Variants in CRHR2 observed in about 807,000 individuals in gnomAD.
CRHR2 encodes corticotropin releasing hormone receptor 2.
A neutral mutation model predicts 57.9 loss-of-function variants in CRHR2; 53 were observed. The observed-to-expected ratio is 0.92, with a 90% CI of 0.73 to 1.15. CRHR2 has a LOEUF of 1.15. Ranked by LOEUF, CRHR2 falls within the 50% of genes most tolerant of loss-of-function variation. The pLI is 0.00. For synonymous variants in CRHR2, 213 were observed against 220.9 expected, an observed-to-expected ratio of 0.96 and a Z score of 0.32; for missense variants, 532 against 542.6, an observed-to-expected ratio of 0.98 and a Z score of 0.19.
At chr7:30,666,938 T>C (rs971934306) in intron 3 of CRHR2, among the ~76,000 whole-genome samples, 1 of 152,112 alleles carries the variant, frequency 6.6e-6, no homozygotes, top group Non-Finnish European at 1.5e-5. Flanking sequence ...ACCCCTAAGA[T>C]GTTAGGAGCA....
Position 30,681,947 on chromosome 7 carries a change from T to G in CRHR2, c.197A>C (p.Glu66Ala), listed in dbSNP as rs775502744. 2.9e-4 allele frequency: 466 copies of G among 1,612,066 alleles called. 1 individual carries two copies. The highest frequency in any genetic ancestry group is 3.9e-4 in the Non-Finnish European group (455 of 1,179,504). ...AGALVERPCP[E>A]YFNGVKYNTT... is the part of the protein sequence containing the mutation. ...GTTGTACTTGACGCCGTTGAAGTACTCGGGGCACGGCCTCTCCACGAGGGC... is the reference window on the plus strand; with the variant it reads ...GTTGTACTTGACGCCGTTGAAGTACGCGGGGCACGGCCTCTCCACGAGGGC... The change falls in exon 2 of 12, where the codon GAG (glutamate) becomes GCG (alanine). Residue 66 changes from glutamate to alanine, a missense_variant. Coordinates refer to ENST00000471646, the MANE Select transcript of CRHR2 (RefSeq NM_001883.5).
chr7:30,681,677 C>A (rs974292139), intron 2 of CRHR2, among the ~76,000 whole-genome samples: 3 of 152,146 alleles, frequency 2.0e-5, no homozygotes, highest in Admixed American at 6.5e-5. Flanking sequence ...TTTGGGCTGT[C>A]ACCGCATGGA....
intron 2 of CRHR2, among the ~76,000 whole-genome samples, chr7:30,680,836 G>GTGTGTGTGTGTGT (rs1481453488): frequency 1.3e-5 from 2 of 151,816 alleles, no homozygotes; most frequent in Non-Finnish European, 2.9e-5. Context: ...GTGTGTGTGT[G>GTGTGTGTGTGTGT]TGTGTGTGTG....
chr7:30,661,030 G>A (rs1322790477), intron 7 of CRHR2, among the ~76,000 whole-genome samples: 1 of 152,230 alleles, frequency 6.6e-6, no homozygotes, highest in Non-Finnish European at 1.5e-5. Flanking sequence ...CATATTGCTT[G>A]AAACCCGCTG....
intron 2 of CRHR2, among the ~76,000 whole-genome samples, chr7:30,669,578 T>A (rs1371472521): frequency 6.6e-6 from 1 of 152,142 alleles, no homozygotes; most frequent in Non-Finnish European, 1.5e-5. Flanking sequence ...CTCCTCCTTT[T>A]CTTTTTCCAG....
chr7:30,692,175 C>T (rs1339834659), intron 1 of CRHR2, among the ~76,000 whole-genome samples: 6 of 152,188 alleles, frequency 3.9e-5, no homozygotes, highest in Admixed American at 1.3e-4. Context: ...AGAATGCGCA[C>T]GCTGAATGGT....
rs73085814 is a variant in CRHR2, at chr7:30,654,806, G to C, written c.1095+233C>G. ...CGGCCTGGGCTTCCTTGCTCACCCA[G>C]CTCTGAGTGCACATGTGGGGTGCTG... On this transcript the variant is annotated intron_variant, in intron 11 of 11. Transcript: ENST00000471646. 4,022 of 1,538,612 alleles carry C rather than the reference G, an allele frequency of 2.6e-3. 5 individuals carry two copies. The highest frequency in any genetic ancestry group is 7.7e-3 in the Middle Eastern group (46 of 5,990).
At chr7:30,679,354 C>G (rs1263057008) in intron 2 of CRHR2, among the ~76,000 whole-genome samples, 1 of 152,230 alleles carries the variant, frequency 6.6e-6, no homozygotes, top group Non-Finnish European at 1.5e-5. Context: ...TGCATAGGAG[C>G]TGATTAGGAC....
chr7:30,665,091 A>G lies in CRHR2; in HGVS notation c.522T>C (p.His174=), dbSNP rs745866563. The G allele has an allele frequency of 2.0e-5, 33 of 1,613,796 alleles. No homozygotes were observed. Among genetic ancestry groups the G allele is most frequent in the Non-Finnish European group, 2.7e-5 (32 of 1,179,976 alleles). ...TGACCTCATTGCTCTCGTGCACTTC[A>G]TGGTCAACGAGCTGCAGCAGGAACC... ...VMWFLLQLVD[H]EVHESNEVWC... is the part of the protein sequence containing the mutation. The change falls in exon 5 of 12, where the codon CAT becomes CAC. Residue 174 remains histidine, a synonymous_variant. Coordinates refer to ENST00000471646, the MANE Select transcript of CRHR2 (RefSeq NM_001883.5). This position sits in a 1 kb window ranked among gnomAD's most constrained non-coding sequence, Gnocchi z 4.5.
chr7:30,682,610 CG>C, upstream of CRHR2: 1 of 779,146 alleles, frequency 1.3e-6, no homozygotes, highest in Non-Finnish European at 1.6e-6. Flanking sequence ...GCCCAAAGTA[CG>C]GCTTCTCAGT....
upstream of CRHR2, chr7:30,686,636 T>A (rs1173821543): frequency 3.3e-6 from 3 of 908,808 alleles, no homozygotes; most frequent in African/African-American, 1.7e-5. Flanking sequence ...TAATAAAAAA[T>A]AAATAAATAG....
In CRHR2 at chr7:30,655,379, G is replaced by A. The variant is rs541771392; in HGVS notation, c.1053+201C>T. Among the ~76,000 whole-genome samples, 427 of 152,330 alleles carry A rather than the reference G, an allele frequency of 2.8e-3. 1 individual carries two copies. Among genetic ancestry groups the A allele is most frequent in the Non-Finnish European group, 5.1e-3 (348 of 68,028 alleles). ...CAGAACAGGTGCTGGGACAGTAGGT[G>A]CGGGCTGGTAGGATGAAGACCCAGG... On this transcript the variant is annotated intron_variant, in intron 10 of 11. Transcript: ENST00000471646.
At chr7:30,664,520 A>G (rs1784114839) in intron 5 of CRHR2, among the ~76,000 whole-genome samples, 1 of 152,112 alleles carries the variant, frequency 6.6e-6, no homozygotes, top group Admixed American at 6.5e-5. Context: ...CCTTTTCTCA[A>G]AGGGGTCTTT....
rs116297001 is a variant in CRHR2 at position 30,657,067 on chromosome 7, G to A, written c.832-1055C>T. On this transcript the variant is annotated intron_variant, in intron 8 of 11. Coordinates refer to ENST00000471646, the MANE Select transcript of CRHR2 (RefSeq NM_001883.5). ...TTAGCCCAGGGGTGTCTGCTGGCTC[G>A]TGTGCACACACCCACTCACACACAC... Among the ~76,000 whole-genome samples, 626 of 150,206 alleles carry A rather than the reference G, an allele frequency of 4.2e-3. 3 individuals carry two copies. The highest frequency in any genetic ancestry group is 0.014 in the African/African-American group (584 of 40,278).
chr7:30,681,928 C>A lies in CRHR2; in HGVS notation c.216G>T (p.Lys72Asn). The A allele has an allele frequency of 6.2e-7, 1 of 1,612,066 alleles. No individual in the cohort carries two copies. The highest frequency in any genetic ancestry group is 8.5e-7 in the Non-Finnish European group (1 of 1,179,416). ...GGGGGCACTCACGGGTCGTGTTGTA[C>A]TTGACGCCGTTGAAGTACTCGGGGC... Reference protein sequence around the residue: ...RPCPEYFNGVKYNTTRNAYRE... With the variant: ...RPCPEYFNGVNYNTTRNAYRE... Residue 72 changes from lysine to asparagine, a missense_variant, in exon 2 of 12, where the codon AAG (lysine) becomes AAT (asparagine). Transcript: ENST00000471646.
intron 2 of CRHR2, among the ~76,000 whole-genome samples, chr7:30,671,816 GATGATGATGATGATGATGATGATGATA>G (rs1460811087): frequency 2.0e-5 from 3 of 147,336 alleles, no homozygotes; most frequent in Admixed American, 6.8e-5. Context: ...TGATGATGAT[GATGATGATGATGATGATGATGATGATA>G]ATGATGATGA....
Position 30,665,498 on chromosome 7 carries a change from G to A in CRHR2, c.425+32C>T. ...AAGGGGGTGCTGTAGGGGGAGGGAT[G>A]AGGAGAAAGCAAGGCGGAAGGGCAG... On this transcript the variant is annotated intron_variant, in intron 4 of 11. Coordinates refer to ENST00000471646, the MANE Select transcript of CRHR2 (RefSeq NM_001883.5). The surrounding 1 kb of genome is among the most constrained non-coding windows in gnomAD (Gnocchi z 4.5). 2.0e-6 allele frequency: 3 copies of A among 1,512,604 alleles called. No individual in the cohort carries two copies. Among genetic ancestry groups the A allele is most frequent in the South Asian group, 1.2e-5 (1 of 83,102 alleles). 93.7% of individuals were successfully genotyped at this position (1,512,604 alleles called of 1,614,324 possible). A position where few individuals can be genotyped will look rare whatever the true frequency, so the allele number is the denominator to read the frequency against.
chr7:30,675,408 C>T (rs905973734), intron 2 of CRHR2, among the ~76,000 whole-genome samples: 2 of 152,216 alleles, frequency 1.3e-5, no homozygotes, highest in Admixed American at 6.5e-5. Context: ...GGCCCAGGTC[C>T]CCAGCCAGCC....
chr7:30,672,003 T>C lies in CRHR2; in HGVS notation c.230-4690A>G, dbSNP rs575286014. Reference sequence around the variant, plus strand: ...ATATTTACAGAAGGAATGAAGTCACTACATGGGATCGGAACTTTCAGCACC... The same window carrying C: ...ATATTTACAGAAGGAATGAAGTCACCACATGGGATCGGAACTTTCAGCACC... On this transcript the variant is annotated intron_variant, in intron 2 of 11. Transcript: ENST00000471646. 3.9e-5 allele frequency among the ~76,000 whole-genome samples: 6 copies of C among 152,282 alleles called. No individual in the cohort carries two copies. The South Asian group carries it at 1.2e-3, about 32-fold the overall frequency.
Sources: allele counts gnomAD v4.1 joint callset (sites outside exome capture counted in the v4.1 genomes callset), GRCh38; gene constraint gnomAD v4.1.1; non-coding constraint Gnocchi (gnomAD v3.1); transcripts MANE v1.5; gene names NCBI Gene and HGNC (gene_info 2026-07-23, HGNC 2026-07-21).